ATF7: variants seen among roughly 807,000 people sequenced by gnomAD.
ATF7 encodes the protein cyclic AMP-dependent transcription factor ATF-7.
Under a neutral mutation model 50.4 loss-of-function variants are expected in ATF7, and 10 were observed. The ratio of observed to expected loss-of-function variants is 0.20; its 90% CI spans 0.12 to 0.34. ATF7 has a LOEUF of 0.34. Among genes scored for constraint, ATF7 ranks in the 10% least tolerant of loss-of-function variants. The probability of loss-of-function intolerance (pLI) is 1.00; values close to 1 mark genes in which losing one functional copy is unlikely to be tolerated. For synonymous variants in ATF7, 201 were observed against 226.4 expected (o/e 0.89, Z 1.01); for missense variants, 465 against 613.9 (o/e 0.76, Z 2.56).
At chr12:53,569,868 G>A (rs760195757) in intron 2 of ATF7, among the ~76,000 whole-genome samples, 11 of 152,002 alleles carry the variant, frequency 7.2e-5, no homozygotes, top group Non-Finnish European at 1.3e-4. Context: ...TGGTAGAGAC[G>A]GGGTTTCACC....
At position 53,546,413 on chromosome 12, in the gene ATF7, T is replaced by G. The variant is rs181699843; in HGVS notation, c.146-2965A>C. Among the ~76,000 whole-genome samples the G allele has an allele frequency of 8.7e-5, 12 of 137,882 alleles. No individual in the cohort carries two copies. The East Asian group carries it at 2.5e-3, about 29-fold the overall frequency. The allele number at this position is 137,882 out of a possible 152,430, so 90.5% of individuals were successfully genotyped here. Reference sequence around the variant, plus strand: ...ACAGGAGAAAAAAGAAAATATGGCTTTTGGCTGTTGAAAATTAAGATGATG... The same window carrying G: ...ACAGGAGAAAAAAGAAAATATGGCTGTTGGCTGTTGAAAATTAAGATGATG... On this transcript the variant is annotated intron_variant, in intron 3 of 11. Transcript: ENST00000420353.
intron 2 of ATF7, among the ~76,000 whole-genome samples, chr12:53,560,651 C>T (rs908760909): frequency 2.6e-5 from 4 of 152,164 alleles, no homozygotes; most frequent in Non-Finnish European, 5.9e-5. Flanking sequence ...TTTAAAAACG[C>T]TCTTAATATC....
intron 2 of ATF7, among the ~76,000 whole-genome samples, chr12:53,586,297 CTACAGTCTCCGT>C (rs1942676157): frequency 6.6e-6 from 1 of 152,010 alleles, no homozygotes; most frequent in Admixed American, 6.6e-5. Flanking sequence ...CCTAAGGAGA[CTACAGTCTCCGT>C]TAGTCCTAAA....
Position 53,524,612 on chromosome 12 carries a change from G to C in ATF7, c.1077C>G (p.Ser359=). The C allele has an allele frequency of 2.5e-6, 4 of 1,613,964 alleles. No homozygotes were observed. Among genetic ancestry groups the C allele is most frequent in the Non-Finnish European group, 3.4e-6 (4 of 1,179,900 alleles). ...TGAGTTCTTCGGCCTTCTTCTCTAG[G>C]GAGGACACCCACAGCTTTCGCTTTT... is the stretch of plus-strand genomic sequence containing the variant. The part of the protein sequence containing the change: ...CRQKRKLWVS[S]LEKKAEELTS... The change falls in exon 10 of 12, where the codon TCC becomes TCG. Residue 359 remains serine, a synonymous_variant. Coordinates refer to ENST00000420353, the MANE Select transcript of ATF7 (RefSeq NM_006856.3). The surrounding 1 kb of genome is among the most constrained non-coding windows in gnomAD (Gnocchi z 4.6).
chr12:53,567,687 A>G (rs2137601908), intron 2 of ATF7, among the ~76,000 whole-genome samples: 1 of 152,342 alleles, frequency 6.6e-6, no homozygotes, highest in South Asian at 2.1e-4. Flanking sequence ...TGTCAGTTAC[A>G]TGGCTAATTG....
At chr12:53,578,367 C>CAAA (rs56914905) in intron 2 of ATF7, among the ~76,000 whole-genome samples, 41 of 107,604 alleles carry the variant, frequency 3.8e-4, no homozygotes, top group Non-Finnish European at 5.8e-4. Flanking sequence ...GATCTTCTCT[C>CAAA]AAAAAAAAAA....
chr12:53,548,893 G>C (rs1592843993), intron 3 of ATF7, among the ~76,000 whole-genome samples: 1 of 152,262 alleles, frequency 6.6e-6, no homozygotes, highest in Non-Finnish European at 1.5e-5. Flanking sequence ...GGTGAGGTGG[G>C]AGGATGGCTT....
chr12:53,563,324 T>C (rs1298448346), intron 2 of ATF7, among the ~76,000 whole-genome samples: 1 of 152,134 alleles, frequency 6.6e-6, no homozygotes, highest in South Asian at 2.1e-4. Flanking sequence ...CTTTTTAAAG[T>C]AGACTGTATG....
chr12:53,521,112 G>A (rs1037587894), intron 11 of ATF7, among the ~76,000 whole-genome samples: 10 of 151,774 alleles, frequency 6.6e-5, no homozygotes, highest in Admixed American at 1.3e-4. Flanking sequence ...CCTGCCTCAG[G>A]CTCCCAAGTA....
chr12:53,586,811 G>A lies in ATF7; in HGVS notation c.48+14142C>T, dbSNP rs1037390804. 5.7e-4 allele frequency among the ~76,000 whole-genome samples: 86 copies of A among 151,924 alleles called. 1 individual carries two copies. The highest frequency in any genetic ancestry group is 1.0e-3 in the Non-Finnish European group (68 of 67,924). ...CACACACACAAATACACACACACACGCACACACGTGCACGCTCACACACAA... is the reference window on the plus strand; with the variant it reads ...CACACACACAAATACACACACACACACACACACGTGCACGCTCACACACAA... On this transcript the variant is annotated intron_variant, in intron 2 of 11. Coordinates refer to ENST00000420353, the MANE Select transcript of ATF7 (RefSeq NM_006856.3).
chr12:53,579,010 A>AG (rs1942248572), intron 2 of ATF7, among the ~76,000 whole-genome samples: 1 of 152,122 alleles, frequency 6.6e-6, no homozygotes, highest in African/African-American at 2.4e-5. Flanking sequence ...TGGGAGCCTG[A>AG]GGCAGGCAGA....
At chr12:53,565,497 G>C (rs1941399369) in intron 2 of ATF7, among the ~76,000 whole-genome samples, 1 of 146,040 alleles carries the variant, frequency 6.8e-6, no homozygotes, top group Non-Finnish European at 1.5e-5. Context: ...CGGGGGCGGG[G>C]GGGAGGGGGG....
intron 5 of ATF7, among the ~76,000 whole-genome samples, chr12:53,536,274 G>GT (rs1178371721): frequency 6.7e-6 from 1 of 149,636 alleles, no homozygotes; most frequent in East Asian, 2.0e-4. Flanking sequence ...GTAATTATTA[G>GT]TTCACTTTTT....
At chr12:53,578,060 T>C (rs1228921929) in intron 2 of ATF7, among the ~76,000 whole-genome samples, 2 of 152,082 alleles carry the variant, frequency 1.3e-5, no homozygotes, top group African/African-American at 4.8e-5. Context: ...GAAAACCCTA[T>C]CAGCCTAGAA....
At chr12:53,537,937 C>G (rs1190485137) in intron 4 of ATF7, among the ~76,000 whole-genome samples, 1 of 152,046 alleles carries the variant, frequency 6.6e-6, no homozygotes, top group East Asian at 1.9e-4. Flanking sequence ...ATCTCGAACT[C>G]CCGACCTCAG....
At chr12:53,557,710 C>G (rs1489941304) in intron 2 of ATF7, among the ~76,000 whole-genome samples, 2 of 152,140 alleles carry the variant, frequency 1.3e-5, no homozygotes, top group African/African-American at 4.8e-5. Context: ...ATTTGCACCC[C>G]CATCTGAAGA....
In ATF7 at chr12:53,550,333, AAT is replaced by A. The variant is rs1555218966; in HGVS notation, c.145+2206_145+2207del. ...AGTGAGACCCTGTCTCAAAAAAAAA[AAT>A]AAATAAATAAATAAATAAATAAATA... On this transcript the variant is annotated intron_variant, in intron 3 of 11. Coordinates refer to ENST00000420353, the MANE Select transcript of ATF7 (RefSeq NM_006856.3). Among the ~76,000 whole-genome samples the A allele has an allele frequency of 1.4e-4, 15 of 108,730 alleles. 2 individuals carry two copies. In the East Asian group the frequency reaches 3.2e-3, roughly 23 times the overall value. The allele number at this position is 108,730 out of a possible 152,430, so 71.3% of individuals were successfully genotyped here. A position where few individuals can be genotyped will look rare whatever the true frequency, so the allele number is the denominator to read the frequency against.
At position 53,625,691 on chromosome 12, in the gene ATF7, A is replaced by G. The variant is rs144886554; in HGVS notation, c.-22+588T>C. Among the ~76,000 whole-genome samples, 28 of 152,190 alleles carry G rather than the reference A, an allele frequency of 1.8e-4. No homozygotes were observed. The East Asian group carries it at 5.2e-3, about 28-fold the overall frequency. The stretch of plus-strand genomic sequence containing the variant: ...CCATCTATCTTTTCTGCCAAACCCA[A>G]CGGGGTGTTGTGTCACCAGATCAAG... On this transcript the variant is annotated intron_variant, in intron 1 of 11. Transcript: ENST00000420353.
intron 2 of ATF7, among the ~76,000 whole-genome samples, chr12:53,582,483 C>G (rs1047721952): frequency 6.6e-6 from 1 of 151,592 alleles, no homozygotes; most frequent in Non-Finnish European, 1.5e-5. Flanking sequence ...CAACACCCCC[C>G]GCCCCAAAAA....
Sources: gnomAD v4.1 joint callset for allele counts (sites outside exome capture counted in the v4.1 genomes callset) on GRCh38, gnomAD v4.1.1 for gene constraint, Gnocchi (gnomAD v3.1) non-coding constraint, MANE v1.5 for transcripts, NCBI Gene and HGNC (gene_info 2026-07-23, HGNC 2026-07-21) for gene names.